Variants in ARMCX5 observed in about 807,000 individuals in gnomAD.
ARMCX5 encodes the protein armadillo repeat containing X-linked 5, also known as armadillo repeat-containing X-linked protein 5.
Under a neutral mutation model 7.5 loss-of-function variants are expected in ARMCX5, and 1 was observed. That is an observed-to-expected ratio of 0.13 (90% CI 0.05 to 0.63). The LOEUF (loss-of-function observed/expected upper bound fraction) is 0.63. Ranked by LOEUF, ARMCX5 falls within the 30% of genes least tolerant of loss-of-function variation. The pLI, the probability that ARMCX5 is intolerant of heterozygous loss-of-function variation, is 0.86. For missense variants in ARMCX5, 346 were observed against 402.2 expected (o/e 0.86, Z 1.19); for synonymous variants, 149 against 145.7 (o/e 1.02, Z -0.16).
Position 102,602,576 on chromosome X carries a change from T to C in ARMCX5, c.435T>C (p.Asn145=), listed in dbSNP as rs1489389382. The C allele has an allele frequency of 1.7e-6, 2 of 1,209,312 alleles. No individual in the cohort carries two copies. The highest frequency in any genetic ancestry group is 3.5e-5 in the African/African-American group (2 of 56,999). The change falls in exon 4 of 4, where the codon AAT becomes AAC. Residue 145 remains asparagine, a synonymous_variant. Coordinates refer to ENST00000473968, the MANE Select transcript of ARMCX5 (RefSeq NM_001168478.2). ...RSYAKSHDKA[N]TGSRPDRREE... Reference sequence around the variant, plus strand: ...ATGCCAAGTCACATGATAAGGCCAATACTGGGTCCAGACCTGACAGAAGGG... The same window carrying C: ...ATGCCAAGTCACATGATAAGGCCAACACTGGGTCCAGACCTGACAGAAGGG...
Position 102,602,040 on chromosome X carries a change from G to A in ARMCX5, c.-102G>A. 1 of 667,262 alleles carries A rather than the reference G, an allele frequency of 1.5e-6. No homozygotes were observed. The highest frequency in any genetic ancestry group is 4.6e-4 in the Middle Eastern group (1 of 2,193). The allele number at this position is 667,262 out of a possible 1,213,427, so 55.0% of individuals were successfully genotyped here. On this transcript the variant is annotated 5_prime_UTR_variant, in exon 4 of 4. In the 5' UTR this introduces an upstream ATG that the reference lacks. Coordinates refer to ENST00000473968, the MANE Select transcript of ARMCX5 (RefSeq NM_001168478.2). The stretch of plus-strand genomic sequence containing the variant: ...AGCCTGTAGTTGGAAAGGGGACAGA[G>A]TGACTACTGGACTTTGTGTGAAAAC...
At position 102,602,859 on chromosome X, in the gene ARMCX5, C is replaced by A; in HGVS notation, c.718C>A (p.Gln240Lys). ...CCTAGTTCCAGTTGAAGGAGGGGAG[C>A]AATCCTTGCCTCCAGAAGGAAACTG... is the stretch of plus-strand genomic sequence containing the variant. ...IVLVPVEGGE[Q>K]SLPPEGNWTL... is the part of the protein sequence containing the mutation. The change falls in exon 4 of 4, where the codon CAA (glutamine) becomes AAA (lysine). Residue 240 changes from glutamine (Q) to lysine (K), a missense_variant. Gln to Lys is a moderately conservative substitution (Grantham distance 53). Transcript: ENST00000473968. 1 of 1,209,844 alleles carries A rather than the reference C, an allele frequency of 8.3e-7. No individual in the cohort carries two copies. The highest frequency in any genetic ancestry group is 1.1e-6 in the Non-Finnish European group (1 of 893,839).
In ARMCX5 at chrX:102,599,764, TCTGA is replaced by T. The variant is rs2081005041; in HGVS notation, c.-501_-498del. On this transcript the variant is annotated 5_prime_UTR_variant, in exon 1 of 4. It removes the in-frame stop codon of an upstream open reading frame in the 5' UTR. Transcript: ENST00000473968. ...GCCGCCATTGCCTCGAGTCCTTGTG[TCTGA>T]CTGTCTGTTCCTGCTGCTGTATGAC... The T allele has an allele frequency of 1.9e-5, 2 of 107,181 alleles. No individual in the cohort carries two copies. The highest frequency in any genetic ancestry group is 3.4e-5 in the African/African-American group (1 of 29,242). The allele number at this position is 107,181 out of a possible 1,213,427, so 8.8% of individuals were successfully genotyped here.
In ARMCX5 at chrX:102,599,589, A is replaced by T. The variant is rs2081001866; in HGVS notation, c.-680A>T. On this transcript the variant is annotated 5_prime_UTR_variant, in exon 1 of 4. Coordinates refer to ENST00000473968, the MANE Select transcript of ARMCX5 (RefSeq NM_001168478.2). Reference sequence around the variant, plus strand: ...GAGGAAAAGGTAGATGTTAAATGGTAACTACGCGCGAGGTTCTGAGGAGCC... The same window carrying T: ...GAGGAAAAGGTAGATGTTAAATGGTTACTACGCGCGAGGTTCTGAGGAGCC... 9.1e-6 allele frequency: 1 copy of T among 110,141 alleles called. No homozygotes were observed. The highest frequency in any genetic ancestry group is 9.8e-5 in the Admixed American group (1 of 10,237). The allele number at this position is 110,141 out of a possible 1,213,427, so 9.1% of individuals were successfully genotyped here.
chrX:102,603,512 G>A lies in ARMCX5; in HGVS notation c.1371G>A (p.Ser457=), dbSNP rs753977337. 4 of 1,208,138 alleles carry A rather than the reference G, an allele frequency of 3.3e-6. No homozygotes were observed. Among genetic ancestry groups the A allele is most frequent in the South Asian group, 3.5e-5 (2 of 56,769 alleles). ...AGTTTTATGTTTTAAAAGTGTTTTCGTGTTTGTCTAAAAATCACGCCAATA... is the reference window on the plus strand; with the variant it reads ...AGTTTTATGTTTTAAAAGTGTTTTCATGTTTGTCTAAAAATCACGCCAATA... The part of the protein sequence containing the change: ...KTKFYVLKVF[S]CLSKNHANTR... Residue 457 remains serine, a synonymous_variant, in exon 4 of 4, where the codon TCG becomes TCA. Transcript: ENST00000473968.
At position 102,602,618 on chromosome X, in the gene ARMCX5, G is replaced by A. The variant is rs149447145; in HGVS notation, c.477G>A (p.Gly159=). Residue 159 remains glycine (G), a synonymous_variant, in exon 4 of 4, where the codon GGG becomes GGA. Transcript: ENST00000473968. ...ACAGAAGGGAAGAGACCAGCATTGGGATGAAATCCAGTGATGAGGATGAAG... is the reference window on the plus strand; with the variant it reads ...ACAGAAGGGAAGAGACCAGCATTGGAATGAAATCCAGTGATGAGGATGAAG... The part of the protein sequence containing the change: ...RPDRREETSI[G]MKSSDEDEEN... The A allele has an allele frequency of 4.0e-4, 482 of 1,208,383 alleles. No individual in the cohort carries two copies. The highest frequency in any genetic ancestry group is 5.3e-4 in the Non-Finnish European group (472 of 893,962).
rs2081074130 is a variant in ARMCX5, at chrX:102,603,908, T to G, written c.*90T>G. 4 of 600,749 alleles carry G rather than the reference T, an allele frequency of 6.7e-6. No individual in the cohort carries two copies. The highest frequency in any genetic ancestry group is 2.6e-6 in the Non-Finnish European group (1 of 386,927). The allele number at this position is 600,749 out of a possible 1,213,427, so 49.5% of individuals were successfully genotyped here. On this transcript the variant is annotated 3_prime_UTR_variant, in exon 4 of 4. Coordinates refer to ENST00000473968, the MANE Select transcript of ARMCX5 (RefSeq NM_001168478.2). ...ATTGTAATTATAAATTCAATACTTA[T>G]GTTTTCCATGTTGATTGAGGGAGGC...
chrX:102,603,124 A>G lies in ARMCX5; in HGVS notation c.983A>G (p.His328Arg). 8.3e-7 allele frequency: 1 copy of G among 1,210,597 alleles called. No homozygotes were observed. The highest frequency in any genetic ancestry group is 1.1e-6 in the Non-Finnish European group (1 of 894,353). The change falls in exon 4 of 4, where the codon CAT becomes CGT. Residue 328 changes from histidine (H) to arginine (R), a missense_variant. Around this residue, in one of 3 missense-constraint regions of ARMCX5, gnomAD observed 204 missense variants for 244.3 expected, o/e 0.83. Coordinates refer to ENST00000473968, the MANE Select transcript of ARMCX5 (RefSeq NM_001168478.2). ...LLKLTKDPFI[H>R]EIATMIMGIS... ...AAGTTAACTAAGGATCCTTTCATTCATGAAATAGCTACAATGATAATGGGC... is the reference window on the plus strand; with the variant it reads ...AAGTTAACTAAGGATCCTTTCATTCGTGAAATAGCTACAATGATAATGGGC...
rs968333970 is a variant in ARMCX5, at chrX:102,603,970, CAT to C, written c.*153_*154del. 31 of 439,580 alleles carry C rather than the reference CAT, an allele frequency of 7.1e-5. No individual in the cohort carries two copies. The highest frequency in any genetic ancestry group is 1.2e-4 in the Non-Finnish European group (29 of 250,630). The allele number at this position is 439,580 out of a possible 1,213,427, so 36.2% of individuals were successfully genotyped here. A position where few individuals can be genotyped will look rare whatever the true frequency, so the allele number is the denominator to read the frequency against. On this transcript the variant is annotated 3_prime_UTR_variant, in exon 4 of 4. Coordinates refer to ENST00000473968, the MANE Select transcript of ARMCX5 (RefSeq NM_001168478.2). ...TACCAATTAATCTTGAGATCCTGAA[CAT>C]GTGCTGATTTTTATTGTGCTATATA...
rs1276724162 is a variant in ARMCX5 at position 102,602,826 on chromosome X, T to C, written c.685T>C (p.Tyr229His). ...QKVIAWSRAR[Y>H]IVLVPVEGGE... ...GGTAATAGCATGGTCAAGGGCCAGG[T>C]ATATTGTCCTAGTTCCAGTTGAAGG... Residue 229 changes from tyrosine to histidine, a missense_variant, in exon 4 of 4, where the codon TAT becomes CAT. Tyr to His is a moderately conservative substitution (Grantham distance 83). Transcript: ENST00000473968. 2 of 1,209,955 alleles carry C rather than the reference T, an allele frequency of 1.7e-6. No individual in the cohort carries two copies. The highest frequency in any genetic ancestry group is 2.2e-6 in the Non-Finnish European group (2 of 894,202).
Position 102,603,985 on chromosome X carries a change from A to G in ARMCX5, c.*167A>G. Reference sequence around the variant, plus strand: ...AGATCCTGAACATGTGCTGATTTTTATTGTGCTATATAGTATATAAATTGA... The same window carrying G: ...AGATCCTGAACATGTGCTGATTTTTGTTGTGCTATATAGTATATAAATTGA... On this transcript the variant is annotated 3_prime_UTR_variant, in exon 4 of 4. Coordinates refer to ENST00000473968, the MANE Select transcript of ARMCX5 (RefSeq NM_001168478.2). 2.5e-6 allele frequency: 1 copy of G among 402,035 alleles called. No individual in the cohort carries two copies. The highest frequency in any genetic ancestry group is 4.4e-6 in the Non-Finnish European group (1 of 228,697). The allele number at this position is 402,035 out of a possible 1,213,427, so 33.1% of individuals were successfully genotyped here.
chrX:102,601,509 G>C lies in ARMCX5; in HGVS notation c.-263G>C, dbSNP rs2081040341. ...TAGGGCTTGTCACCATTGGAAGCAA[G>C]GTAAGGAGGAGAAAGTTACTCCAGA... On this transcript the variant is annotated splice_region_variant and 5_prime_UTR_variant, in exon 3 of 4. Transcript: ENST00000473968. 1.8e-5 allele frequency: 2 copies of C among 112,024 alleles called. No individual in the cohort carries two copies. The highest frequency in any genetic ancestry group is 1.9e-4 in the Admixed American group (2 of 10,567). 9.2% of individuals were successfully genotyped at this position (112,024 alleles called of 1,213,427 possible).
In ARMCX5 at chrX:102,601,942, G is replaced by T. The variant is rs1569479721; in HGVS notation, c.-200G>T. On this transcript the variant is annotated 5_prime_UTR_variant, in exon 4 of 4. Coordinates refer to ENST00000473968, the MANE Select transcript of ARMCX5 (RefSeq NM_001168478.2). ...GCTGAAGACCACCACCCTCCACAGG[G>T]CTGGGCCCATGCACAGCCATCCTTC... 1 of 438,176 alleles carries T rather than the reference G, an allele frequency of 2.3e-6. No homozygotes were observed. The highest frequency in any genetic ancestry group is 4.0e-6 in the Non-Finnish European group (1 of 252,295). 36.1% of individuals were successfully genotyped at this position (438,176 alleles called of 1,213,427 possible). A position where few individuals can be genotyped will look rare whatever the true frequency, so the allele number is the denominator to read the frequency against.
In ARMCX5 at chrX:102,603,012, T is replaced by C. The variant is rs772797845; in HGVS notation, c.871T>C (p.Tyr291His). The C allele has an allele frequency of 4.1e-6, 5 of 1,211,367 alleles. No individual in the cohort carries two copies. In the Admixed American group the frequency reaches 1.1e-4, roughly 26 times the overall value. The change falls in exon 4 of 4, where the codon TAT (tyrosine) becomes CAT (histidine). Residue 291 changes from tyrosine (Y) to histidine (H), a missense_variant. Physicochemically the swap from Tyr to His is moderately conservative, Grantham distance 83 (BLOSUM62 2). Around this residue, in one of 3 missense-constraint regions of ARMCX5, gnomAD observed 204 missense variants for 244.3 expected, o/e 0.83. Transcript: ENST00000473968. ...AAAACAGATTAGGCAAAGGGAAAAGTATGGGCCTAATCCGAAGGCCTGCCA... is the reference window on the plus strand; with the variant it reads ...AAAACAGATTAGGCAAAGGGAAAAGCATGGGCCTAATCCGAAGGCCTGCCA... Reference protein sequence around the residue: ...IKKQIRQREKYGPNPKACHCK... With the variant: ...IKKQIRQREKHGPNPKACHCK...
intron 2 of ARMCX5, 148 bp downstream of exon 2, chrX:102,601,180 G>C (rs1417497830): frequency 8.9e-6 from 1 of 111,764 alleles, no homozygotes; most frequent in African/African-American, 3.3e-5. Context: ...TGGGGGTACA[G>C]AATGCTAAGC....
Position 102,602,250 on chromosome X carries a change from G to A in ARMCX5, c.109G>A (p.Glu37Lys), listed in dbSNP as rs778633013. The change falls in exon 4 of 4, where the codon GAG becomes AAG. Residue 37 changes from glutamate (E) to lysine (K), a missense_variant. Coordinates refer to ENST00000473968, the MANE Select transcript of ARMCX5 (RefSeq NM_001168478.2). Reference protein sequence around the residue: ...TARVNGKTQAEAVAEAELKTE... With the variant: ...TARVNGKTQAKAVAEAELKTE... ...TAGAGTGAATGGTAAAACCCAGGCC[G>A]AGGCAGTGGCTGAGGCAGAACTGAA... is the stretch of plus-strand genomic sequence containing the variant. 1.1e-5 allele frequency: 13 copies of A among 1,211,602 alleles called. No individual in the cohort carries two copies. The highest frequency in any genetic ancestry group is 1.5e-5 in the Non-Finnish European group (13 of 895,323).
Position 102,602,558 on chromosome X carries a change from G to A in ARMCX5, c.417G>A (p.Lys139=). 8.3e-7 allele frequency: 1 copy of A among 1,211,684 alleles called. No homozygotes were observed. Among genetic ancestry groups the A allele is most frequent in the Non-Finnish European group, 1.1e-6 (1 of 895,410 alleles). Residue 139 remains lysine (K), a synonymous_variant, in exon 4 of 4, where the codon AAG becomes AAA. Transcript: ENST00000473968. ...AGGCAAATATTAGGTCCTATGCCAAGTCACATGATAAGGCCAATACTGGGT... is the reference window on the plus strand; with the variant it reads ...AGGCAAATATTAGGTCCTATGCCAAATCACATGATAAGGCCAATACTGGGT... ...VIEANIRSYA[K]SHDKANTGSR...
chrX:102,603,451 T>C lies in ARMCX5; in HGVS notation c.1310T>C (p.Phe437Ser). The C allele has an allele frequency of 8.3e-7, 1 of 1,208,067 alleles. No individual in the cohort carries two copies. ...HYVITSYIPD[F>S]LTLLNKGSVK... ...GTGATTACCAGTTATATTCCAGATT[T>C]CCTCACCTTGTTAAACAAGGGAAGT... Residue 437 changes from phenylalanine to serine, a missense_variant, in exon 4 of 4, where the codon TTC (phenylalanine) becomes TCC (serine). Coordinates refer to ENST00000473968, the MANE Select transcript of ARMCX5 (RefSeq NM_001168478.2).
Position 102,602,121 on chromosome X carries a change from T to A in ARMCX5, c.-21T>A. 1.7e-6 allele frequency: 2 copies of A among 1,168,050 alleles called. No individual in the cohort carries two copies. The highest frequency in any genetic ancestry group is 2.3e-6 in the Non-Finnish European group (2 of 866,134). The stretch of plus-strand genomic sequence containing the variant: ...GAGACGGGTGGGGGTATATAACTTG[T>A]CCTTACGTTAAACTTGGAACATGGT... On this transcript the variant is annotated 5_prime_UTR_variant, in exon 4 of 4. Coordinates refer to ENST00000473968, the MANE Select transcript of ARMCX5 (RefSeq NM_001168478.2).
Sources: allele counts gnomAD v4.1 joint callset, GRCh38; gene constraint gnomAD v4.1.1; regional missense constraint gnomAD v4.1.1; transcripts MANE v1.5; gene names NCBI Gene and HGNC (gene_info 2026-07-23, HGNC 2026-07-21).